Variants in PIWIL2 observed in about 807,000 individuals in gnomAD.
PIWIL2 encodes the protein piwi-like protein 2.
Under a neutral mutation model 116.5 loss-of-function variants are expected in PIWIL2, and 81 were observed. The ratio of observed to expected loss-of-function variants is 0.70; its 90% confidence interval spans 0.58 to 0.84. The LOEUF (loss-of-function observed/expected upper bound fraction) is 0.84, where lower values mean the gene tolerates loss of function less well. Among genes scored for constraint, PIWIL2 ranks in the 40% least tolerant of loss-of-function variants. The pLI, the probability that PIWIL2 is intolerant of heterozygous loss-of-function variation, is 0.00. For synonymous variants in PIWIL2, 489 were observed against 429.5 expected (o/e 1.14, Z -1.71); for missense variants, 1,272 against 1,212.3 (o/e 1.05, Z -0.73).
At position 22,315,050 on chromosome 8, in the gene PIWIL2, G is replaced by A. The variant is rs145055643; in HGVS notation, c.2113G>A (p.Gly705Ser). 1.3e-4 allele frequency: 202 copies of A among 1,612,394 alleles called. No individual in the cohort carries two copies. Among genetic ancestry groups the A allele is most frequent in the Non-Finnish European group, 1.6e-4 (192 of 1,178,650 alleles). The part of the protein sequence containing the change: ...PSQVVNVRTI[G>S]QPTRLRSVAQ... ...ATAGGTTGTCAATGTTCGAACCATT[G>A]GTCAGCCCACCAGGCTTCGGAGTGT... Residue 705 changes from glycine (G) to serine (S), a missense_variant, in exon 18 of 23, where the codon GGT (glycine) becomes AGT (serine). Coordinates refer to ENST00000356766, the MANE Select transcript of PIWIL2 (RefSeq NM_018068.5).
chr8:22,349,419 G>GTATGTATGTATA (rs1213621776), intron 20 of PIWIL2, among the ~76,000 whole-genome samples: 1 of 134,440 alleles, frequency 7.4e-6, no homozygotes, highest in African/African-American at 2.7e-5. Flanking sequence ...ATGTGTGTGT[G>GTATGTATGTATA]TATATATATA....
chr8:22,352,814 C>T (rs950052001), intron 20 of PIWIL2, 145 bp from the exon 21 acceptor site: 2 of 739,032 alleles, frequency 2.7e-6, no homozygotes, highest in Admixed American at 3.0e-5. Context: ...CTTTTTTTCC[C>T]TGCCCTCTAG....
At chr8:22,341,993 AAAG>A (rs1403303658) in intron 20 of PIWIL2, among the ~76,000 whole-genome samples, 8 of 148,894 alleles carry the variant, frequency 5.4e-5, no homozygotes, top group East Asian at 1.9e-4. Flanking sequence ...AAAAAAAAAA[AAAG>A]GTGAATTTTG....
At chr8:22,309,245 C>T (rs1831266011) in intron 14 of PIWIL2, among the ~76,000 whole-genome samples, 3 of 152,092 alleles carry the variant, frequency 2.0e-5, no homozygotes, top group Non-Finnish European at 2.9e-5. Context: ...CAGGTGTTAG[C>T]CACCACACCC....
At chr8:22,286,220 T>C (rs755285706) in intron 6 of PIWIL2, among the ~76,000 whole-genome samples, 2 of 152,076 alleles carry the variant, frequency 1.3e-5, no homozygotes, top group Non-Finnish European at 2.9e-5. Flanking sequence ...TTTGTTACAG[T>C]TGTAGAGAAA....
At position 22,307,939 on chromosome 8, in the gene PIWIL2, G is replaced by T. The variant is rs1416521753; in HGVS notation, c.1552G>T (p.Ala518Ser). ...KKDFRAMKDLAQQINLSPKQH... is the reference protein window; with the variant it reads ...KKDFRAMKDLSQQINLSPKQH... ...TTATTTTAATTCTGTTTAGGATTTG[G>T]CTCAGCAAATCAATCTGAGCCCCAA... The change falls in exon 14 of 23, where the codon GCT (alanine) becomes TCT (serine). Residue 518 changes from alanine to serine, a missense_variant. By Grantham distance (99) the Ala-to-Ser change is moderately conservative. Transcript: ENST00000356766. 6.2e-7 allele frequency: 1 copy of T among 1,605,398 alleles called. No homozygotes were observed. Among genetic ancestry groups the T allele is most frequent in the Non-Finnish European group, 8.5e-7 (1 of 1,174,390 alleles).
intron 20 of PIWIL2, among the ~76,000 whole-genome samples, chr8:22,342,623 A>G (rs1216016468): frequency 6.6e-6 from 1 of 152,242 alleles, no homozygotes; most frequent in African/African-American, 2.4e-5. Context: ...AATTAAAACA[A>G]ATTATAGACC....
chr8:22,311,210 C>A lies in PIWIL2; in HGVS notation c.1899C>A (p.Gly633=). Residue 633 remains glycine, a synonymous_variant, in exon 16 of 23, where the codon GGC becomes GGA. Coordinates refer to ENST00000356766, the MANE Select transcript of PIWIL2 (RefSeq NM_018068.5). The part of the protein sequence containing the change: ...NMLEKIAGPI[G]MRMSPPAWVE... ...TGGAGAAGATAGCCGGCCCCATTGG[C>A]ATGCGTATGAGCCCACCGGCCTGGG... The A allele has an allele frequency of 6.2e-7, 1 of 1,614,110 alleles. No individual in the cohort carries two copies. The highest frequency in any genetic ancestry group is 8.5e-7 in the Non-Finnish European group (1 of 1,179,976).
intron 13 of PIWIL2, among the ~76,000 whole-genome samples, chr8:22,306,266 TATAAAATAAGAAGA>T (rs1397173642): frequency 1.3e-5 from 2 of 152,184 alleles, no homozygotes; most frequent in Non-Finnish European, 2.9e-5. Context: ...GGGACTGGAT[TATAAAATAAGAAGA>T]AACAAACAAC....
rs184354725 is a variant in PIWIL2 at position 22,321,907 on chromosome 8, A to G, written c.2403+3632A>G. ...AACAGTTGCCGCCTTACACATTTTC[A>G]GCCCCATTTTGCATCACGGCTCGCT... On this transcript the variant is annotated intron_variant, in intron 20 of 22. Coordinates refer to ENST00000356766, the MANE Select transcript of PIWIL2 (RefSeq NM_018068.5). 17 of 985,218 alleles carry G rather than the reference A, an allele frequency of 1.7e-5. No homozygotes were observed. The African/African-American group carries it at 2.8e-4, about 16-fold the overall frequency. 61.0% of individuals were successfully genotyped at this position (985,218 alleles called of 1,614,324 possible). A position where few individuals can be genotyped will look rare whatever the true frequency, so the allele number is the denominator to read the frequency against.
intron 16 of PIWIL2, among the ~76,000 whole-genome samples, chr8:22,313,564 G>A (rs1446471416): frequency 6.6e-6 from 1 of 152,218 alleles, no homozygotes; most frequent in Non-Finnish European, 1.5e-5. Context: ...AATGCTTGGT[G>A]TCGTTGCTCA....
intron 3 of PIWIL2, 47 bp downstream of exon 3, chr8:22,281,254 T>G: frequency 6.5e-7 from 1 of 1,548,616 alleles, no homozygotes; most frequent in Non-Finnish European, 8.8e-7. Flanking sequence ...GTATGATTGG[T>G]TTCTTCTAAA....
chr8:22,280,556 T>G (rs1830476362), intron 2 of PIWIL2, among the ~76,000 whole-genome samples: 1 of 152,362 alleles, frequency 6.6e-6, no homozygotes, highest in South Asian at 2.1e-4. Flanking sequence ...ATCTTACATG[T>G]TGACTCAAAT....
intron 10 of PIWIL2, among the ~76,000 whole-genome samples, chr8:22,303,172 G>C (rs1831091548): frequency 6.6e-6 from 1 of 152,208 alleles, no homozygotes; most frequent in Non-Finnish European, 1.5e-5. Context: ...GTGGTGACAT[G>C]CAACAGTTTG....
At chr8:22,287,865 G>A (rs538341114) in intron 7 of PIWIL2, among the ~76,000 whole-genome samples, 8 of 152,272 alleles carry the variant, frequency 5.3e-5, no homozygotes, top group Non-Finnish European at 1.0e-4. Flanking sequence ...TTCGAGTTGT[G>A]CTTTTCTGTT....
chr8:22,348,599 C>T (rs569102016), intron 20 of PIWIL2, among the ~76,000 whole-genome samples: 2 of 152,196 alleles, frequency 1.3e-5, no homozygotes, highest in African/African-American at 2.4e-5. Context: ...ATTGAGACTT[C>T]GTCTCTACTA....
chr8:22,282,928 C>T (rs1423637521), intron 4 of PIWIL2, 106 bp from the exon 5 acceptor site: 1 of 864,908 alleles, frequency 1.2e-6, no homozygotes, highest in Non-Finnish European at 1.9e-6. Context: ...AACTTGGATC[C>T]CTTTTGCTGT....
intron 13 of PIWIL2, among the ~76,000 whole-genome samples, chr8:22,306,699 A>G (rs1452253147): frequency 6.6e-6 from 1 of 152,202 alleles, no homozygotes; most frequent in Non-Finnish European, 1.5e-5. Flanking sequence ...GTAACATCAT[A>G]AAGAAAGAGC....
intron 20 of PIWIL2, among the ~76,000 whole-genome samples, chr8:22,323,270 C>T (rs1360497881): frequency 2.0e-5 from 3 of 149,958 alleles, no homozygotes; most frequent in South Asian, 2.1e-4. Flanking sequence ...GCCTCAGCTT[C>T]CCGAGTAGCT....
Sources: gnomAD v4.1 joint callset for allele counts (sites outside exome capture counted in the v4.1 genomes callset) on GRCh38, gnomAD v4.1.1 for gene constraint, MANE v1.5 for transcripts, NCBI Gene and HGNC (gene_info 2026-07-23, HGNC 2026-07-21) for gene names.